The following RNF180 variants were observed in gnomAD, a reference collection of about 807,000 sequenced individuals.
RNF180 encodes the protein E3 ubiquitin-protein ligase RNF180.
RNF180 carries 38 observed loss-of-function variants against 59.2 expected under a neutral mutation model. The ratio of observed to expected loss-of-function variants is 0.64; its 90% CI spans 0.50 to 0.84. RNF180 has a LOEUF of 0.84. RNF180 is among the 40% of genes least tolerant of loss of function. The pLI, the probability that RNF180 is intolerant of heterozygous loss-of-function variation, is 0.00. For synonymous variants in RNF180, 262 were observed against 240.3 expected (o/e 1.09, Z -0.84); for missense variants, 705 against 700.9 (o/e 1.01, Z -0.07).
At chr5:64,253,479 G>T (rs754850539) in intron 5 of RNF180, among the ~76,000 whole-genome samples, 1 of 151,906 alleles carries the variant, frequency 6.6e-6, no homozygotes, top group Non-Finnish European at 1.5e-5. Context: ...CAGGTTTCCC[G>T]TTTTGGAGAA....
At chr5:64,238,931 A>G (rs1742612951) in intron 5 of RNF180, among the ~76,000 whole-genome samples, 1 of 152,172 alleles carries the variant, frequency 6.6e-6, no homozygotes, top group East Asian at 1.9e-4. Flanking sequence ...AGTTCTTAAC[A>G]TTCAATAATC....
chr5:64,256,851 ATTTG>A (rs1181813854), intron 5 of RNF180, among the ~76,000 whole-genome samples: 1 of 152,154 alleles, frequency 6.6e-6, no homozygotes, highest in Non-Finnish European at 1.5e-5. Flanking sequence ...ATGTTCTTCC[ATTTG>A]TTTGTGTCCT....
intron 7 of RNF180, among the ~76,000 whole-genome samples, chr5:64,350,904 T>G (rs1282429923): frequency 6.6e-6 from 1 of 152,130 alleles, no homozygotes; most frequent in Non-Finnish European, 1.5e-5. Flanking sequence ...TCTTTTTTGG[T>G]TCTATATGAA....
intron 1 of RNF180, among the ~76,000 whole-genome samples, chr5:64,180,056 C>T (rs1417324585): frequency 6.6e-6 from 1 of 152,122 alleles, no homozygotes; most frequent in Non-Finnish European, 1.5e-5. Context: ...CTTCCATACT[C>T]CTTGTTCATT....
intron 4 of RNF180, 28 bp downstream of exon 4, chr5:64,214,545 A>G: frequency 6.3e-7 from 1 of 1,589,524 alleles, no homozygotes; most frequent in Non-Finnish European, 8.6e-7. Context: ...AGTTTACTAA[A>G]AATCTGTATT....
intron 2 of RNF180, among the ~76,000 whole-genome samples, chr5:64,202,404 A>G (rs1332204299): frequency 6.6e-6 from 1 of 152,108 alleles, no homozygotes; most frequent in Non-Finnish European, 1.5e-5. Flanking sequence ...GCTGAAGGAC[A>G]TTGGCATTCG....
chr5:64,296,266 G>A (rs149907366), intron 5 of RNF180, among the ~76,000 whole-genome samples: 54 of 152,210 alleles, frequency 3.5e-4, no homozygotes, highest in African/African-American at 1.2e-3. Context: ...CTGCTTTGTT[G>A]CTGAATGAAA....
chr5:64,257,186 C>A (rs1744022041), intron 5 of RNF180, among the ~76,000 whole-genome samples: 1 of 152,118 alleles, frequency 6.6e-6, no homozygotes, highest in African/African-American at 2.4e-5. Context: ...TAATTGAATA[C>A]CCTTTATGTA....
At chr5:64,200,483 A>G (rs1029684522) in intron 1 of RNF180, among the ~76,000 whole-genome samples, 1 of 152,106 alleles carries the variant, frequency 6.6e-6, no homozygotes, top group East Asian at 1.9e-4. Flanking sequence ...AAACTACTGC[A>G]GTAACTTATT....
intron 1 of RNF180, among the ~76,000 whole-genome samples, chr5:64,191,388 A>G (rs1015223997): frequency 6.6e-6 from 1 of 152,160 alleles, no homozygotes; most frequent in Admixed American, 6.5e-5. Flanking sequence ...TCATGTGTCC[A>G]CCATTACAAT....
At chr5:64,276,508 T>C (rs551054399) in intron 5 of RNF180, among the ~76,000 whole-genome samples, 1 of 152,120 alleles carries the variant, frequency 6.6e-6, no homozygotes, top group Non-Finnish European at 1.5e-5. Flanking sequence ...TTTAAAGTAA[T>C]GTATGACATG....
At chr5:64,247,123 A>G (rs1743230458) in intron 5 of RNF180, among the ~76,000 whole-genome samples, 1 of 152,196 alleles carries the variant, frequency 6.6e-6, no homozygotes, top group Admixed American at 6.5e-5. Context: ...CAAAATAATA[A>G]GAGCTATTTA....
intron 1 of RNF180, among the ~76,000 whole-genome samples, chr5:64,181,519 C>G (rs1750582315): frequency 6.6e-6 from 1 of 152,172 alleles, no homozygotes; most frequent in Non-Finnish European, 1.5e-5. Flanking sequence ...GAAAAATGCC[C>G]TCTCTGAAAA....
intron 5 of RNF180, among the ~76,000 whole-genome samples, chr5:64,286,721 A>G (rs1354978269): frequency 6.6e-6 from 1 of 152,242 alleles, no homozygotes; most frequent in Non-Finnish European, 1.5e-5. Context: ...TCAGTTTACA[A>G]TCCAGTTAAG....
At chr5:64,232,349 A>C (rs558288576) in intron 5 of RNF180, among the ~76,000 whole-genome samples, 2 of 152,286 alleles carry the variant, frequency 1.3e-5, no homozygotes, top group Non-Finnish European at 2.9e-5. Flanking sequence ...ATTTCTGCAG[A>C]CATTGTAAGT....
intron 5 of RNF180, among the ~76,000 whole-genome samples, chr5:64,320,504 A>G (rs748774618): frequency 2.0e-5 from 3 of 152,208 alleles, no homozygotes; most frequent in Non-Finnish European, 2.9e-5. Context: ...ATGTTTATTG[A>G]CATACTTCGT....
intron 1 of RNF180, among the ~76,000 whole-genome samples, chr5:64,171,786 G>A (rs551671119): frequency 2.6e-5 from 4 of 152,222 alleles, no homozygotes; most frequent in South Asian, 2.1e-4. Context: ...GAAATTATAA[G>A]AACATCCTTC....
intron 7 of RNF180, among the ~76,000 whole-genome samples, chr5:64,353,905 A>G (rs529429821): frequency 2.8e-4 from 42 of 151,934 alleles, no homozygotes; most frequent in South Asian, 1.2e-3. Flanking sequence ...CACGAGGGAA[A>G]TTAGAAAATA....
rs185576539 is a variant in RNF180 at position 64,168,623 on chromosome 5, A to C, written c.-1+2670A>C. On this transcript the variant is annotated intron_variant, in intron 1 of 7. Coordinates refer to ENST00000389100, the MANE Select transcript of RNF180 (RefSeq NM_001113561.2). ...GTTAGATTGGGAGTGTATTTCATAG[A>C]GAAGTTTGAATGTCACATAAATTTA... Among the ~76,000 whole-genome samples the C allele has an allele frequency of 7.2e-5, 11 of 152,328 alleles. No individual in the cohort carries two copies. The East Asian group carries it at 1.3e-3, about 19-fold the overall frequency.
Sources: gnomAD v4.1 joint callset for allele counts (sites outside exome capture counted in the v4.1 genomes callset) on GRCh38, gnomAD v4.1.1 for gene constraint, MANE v1.5 for transcripts, NCBI Gene and HGNC (gene_info 2026-07-23, HGNC 2026-07-21) for gene names.